Variants in ANO1 observed in about 807,000 individuals in gnomAD.
The protein encoded by ANO1 is anoctamin 1.
ANO1 carries 59 observed loss-of-function variants against 124.0 expected under a neutral mutation model. That is an observed-to-expected ratio of 0.48 (90% CI 0.39 to 0.59). The LOEUF is 0.59. Among genes scored for constraint, ANO1 ranks in the 20% least tolerant of loss-of-function variants. The pLI is 0.00. For missense variants in ANO1, 1,059 were observed against 1,328.0 expected, an observed-to-expected ratio of 0.80 and a Z score of 3.15; for synonymous variants, 529 against 532.0, an observed-to-expected ratio of 0.99 and a Z score of 0.08.
At position 70,078,578 on chromosome 11, in the gene ANO1, C is replaced by T; in HGVS notation, c.-29C>T. On this transcript the variant is annotated 5_prime_UTR_variant, in exon 1 of 26. Coordinates refer to ENST00000355303, the MANE Select transcript of ANO1 (RefSeq NM_018043.7). Reference sequence around the variant, plus strand: ...GCCGTGGATGGGGAGGGCGCGCCGCCCGGCGGTCCCAGCGCACAGGCGGCC... The same window carrying T: ...GCCGTGGATGGGGAGGGCGCGCCGCTCGGCGGTCCCAGCGCACAGGCGGCC... 1 of 1,428,158 alleles carries T rather than the reference C, an allele frequency of 7.0e-7. No homozygotes were observed. The highest frequency in any genetic ancestry group is 2.2e-5 in the Admixed American group (1 of 44,566). The allele number at this position is 1,428,158 out of a possible 1,614,324, so 88.5% of individuals were successfully genotyped here.
At chr11:70,005,215 A>G (rs1308903820) in intron 1 of ANO1, among the ~76,000 whole-genome samples, 1 of 151,964 alleles carries the variant, frequency 6.6e-6, no homozygotes, top group Non-Finnish European at 1.5e-5. Context: ...GAACTTTATT[A>G]TGTGTTTATG....
intron 17 of ANO1, 32 bp downstream of exon 17, chr11:70,161,394 G>A: frequency 6.2e-7 from 1 of 1,606,854 alleles, no homozygotes; most frequent in Non-Finnish European, 8.5e-7. Flanking sequence ...ACTGTGGCCT[G>A]GACTCAGGCA....
chr11:70,056,116 A>G (rs1857428876), intron 1 of ANO1: 1 of 151,994 alleles, frequency 6.6e-6, no homozygotes, highest in Non-Finnish European at 1.5e-5. Context: ...AATGTTCTTT[A>G]TTCTCTTCTA....
intron 2 of ANO1, among the ~76,000 whole-genome samples, chr11:70,095,352 AAGAAAGAAAGAAAG>A (rs1357233862): frequency 2.4e-4 from 3 of 12,414 alleles, no homozygotes; most frequent in Non-Finnish European, 3.3e-4. Flanking sequence ...AAGAAAAAGA[AAGAAAGAAAGAAAG>A]AAAGAAAGAA....
At position 70,085,280 on chromosome 11, in the gene ANO1, G is replaced by A. The variant is rs1424948825; in HGVS notation, c.109-2472G>A. ...CCGTCCTTCATGGGGCTGGGCATGGGAACCCACTGCCCTCAAAAGCCAGCC... is the reference window on the plus strand; with the variant it reads ...CCGTCCTTCATGGGGCTGGGCATGGAAACCCACTGCCCTCAAAAGCCAGCC... On this transcript the variant is annotated intron_variant, in intron 1 of 25. Transcript: ENST00000355303. 4 of 1,117,172 alleles carry A rather than the reference G, an allele frequency of 3.6e-6. No individual in the cohort carries two copies. In the Admixed American group the frequency reaches 1.2e-4, roughly 33 times the overall value. The allele number at this position is 1,117,172 out of a possible 1,614,324, so 69.2% of individuals were successfully genotyped here. A position where few individuals can be genotyped will look rare whatever the true frequency, so the allele number is the denominator to read the frequency against.
chr11:70,016,637 G>A (rs569507738), intron 1 of ANO1, among the ~76,000 whole-genome samples: 18 of 152,318 alleles, frequency 1.2e-4, no homozygotes, highest in Middle Eastern at 3.4e-3. Flanking sequence ...CTGGGAGCGC[G>A]GGGCATGCAT....
chr11:70,025,721 G>GATT (rs59260794), intron 1 of ANO1, among the ~76,000 whole-genome samples: 1 of 147,936 alleles, frequency 6.8e-6, no homozygotes, highest in African/African-American at 2.5e-5. Flanking sequence ...TGATGATGAT[G>GATT]GTGGTGGTGA....
intron 22 of ANO1, 55 bp downstream of exon 22, chr11:70,171,094 G>A: frequency 6.4e-7 from 1 of 1,573,276 alleles, no homozygotes; most frequent in Non-Finnish European, 8.6e-7. Flanking sequence ...TGGGTTTGGG[G>A]AGGGGGTTGC....
intron 1 of ANO1, among the ~76,000 whole-genome samples, chr11:70,018,541 T>C (rs1856741892): frequency 1.3e-5 from 2 of 152,144 alleles, no homozygotes; most frequent in Admixed American, 6.6e-5. Context: ...GCACTCTCTG[T>C]GCCTGACAGT....
chr11:70,097,389 A>G (rs1000173405), intron 2 of ANO1, among the ~76,000 whole-genome samples: 2 of 152,172 alleles, frequency 1.3e-5, no homozygotes, highest in South Asian at 2.1e-4. Context: ...TGTCCCTGCT[A>G]TGGGGAGCCA....
At chr11:69,999,596 T>G (rs1372569846) in intron 1 of ANO1, among the ~76,000 whole-genome samples, 1 of 152,180 alleles carries the variant, frequency 6.6e-6, no homozygotes, top group Non-Finnish European at 1.5e-5. Flanking sequence ...ATGTGTTGGC[T>G]TTACGCACCA....
At position 70,047,922 on chromosome 11, in the gene ANO1, A is replaced by G. The variant is rs149697995; in HGVS notation, c.59-30620A>G. On this transcript the variant is annotated intron_variant, in intron 1 of 27. Coordinates refer to the ANO1 transcript ENST00000531349. ...TAGGACACTTTTTGAAATAAATTGT[A>G]TCGTTGTGGAATGAGAATGTTTTAA... is the stretch of plus-strand genomic sequence containing the variant. Among the ~76,000 whole-genome samples the G allele has an allele frequency of 7.8e-3, 1,185 of 152,324 alleles. 6 individuals are homozygous for G. The highest frequency in any genetic ancestry group is 0.012 in the Non-Finnish European group (843 of 68,024).
intron 1 of ANO1, among the ~76,000 whole-genome samples, chr11:70,040,078 A>G (rs1355665236): frequency 6.6e-6 from 1 of 152,160 alleles, no homozygotes; most frequent in Non-Finnish European, 1.5e-5. Context: ...AACATGATTC[A>G]CAGAGCTGCT....
intron 1 of ANO1, among the ~76,000 whole-genome samples, chr11:70,003,424 A>G (rs1009745234): frequency 6.6e-6 from 1 of 152,216 alleles, no homozygotes; most frequent in Non-Finnish European, 1.5e-5. Context: ...ATTCTCCCAC[A>G]GACTTACTGT....
At chr11:70,017,889 C>T (rs542450233) in intron 1 of ANO1, among the ~76,000 whole-genome samples, 2 of 152,220 alleles carry the variant, frequency 1.3e-5, no homozygotes, top group East Asian at 3.9e-4. Context: ...GGCTCATGGG[C>T]AGGTTCTAGC....
chr11:70,056,390 T>C (rs1051802068), intron 1 of ANO1: 2 of 152,176 alleles, frequency 1.3e-5, no homozygotes, highest in African/African-American at 4.8e-5. Context: ...ATTTGCCTTA[T>C]TATTAATCTT....
chr11:69,978,846 C>A, the ANO1 span, among the ~76,000 whole-genome samples: 1 of 152,210 alleles, frequency 6.6e-6, no homozygotes, highest in African/African-American at 2.4e-5. Flanking sequence ...CTATATGAAG[C>A]TACCATCCTC....
Position 70,087,949 on chromosome 11 carries a change from G to A in ANO1, c.306G>A (p.Pro102=), listed in dbSNP as rs746904019. 68 of 1,597,180 alleles carry A rather than the reference G, an allele frequency of 4.3e-5. No individual in the cohort carries two copies. The highest frequency in any genetic ancestry group is 2.0e-4 in the South Asian group (18 of 88,626). The change falls in exon 2 of 26, where the codon CCG becomes CCA. Residue 102 remains proline, a synonymous_variant. Transcript: ENST00000355303. ...GCGTCAAGCAGGACCACCCCCTGCC[G>A]GGCAAGGGGGCGTCGCTGGATGCAG... The part of the protein sequence containing the change: ...ARSVKQDHPL[P]GKGASLDAGS...
At chr11:70,027,015 T>C (rs1443471125) in intron 1 of ANO1, among the ~76,000 whole-genome samples, 2 of 152,160 alleles carry the variant, frequency 1.3e-5, no homozygotes, top group East Asian at 3.8e-4. Flanking sequence ...GTCTCTCTGC[T>C]CAAATGTGAC....
Sources: gnomAD v4.1 joint callset for allele counts (sites outside exome capture counted in the v4.1 genomes callset) on GRCh38, gnomAD v4.1.1 for gene constraint, MANE v1.5 for transcripts, NCBI Gene and HGNC (gene_info 2026-07-23, HGNC 2026-07-21) for gene names.